Variants in DIS3L2 observed in about 807,000 individuals in gnomAD.
DIS3L2 encodes DIS3-like exonuclease 2.
In DIS3L2, 34 loss-of-function variants were observed where a neutral mutation model predicts 97.5. That is an observed-to-expected ratio of 0.35 (90% confidence interval 0.27 to 0.46). DIS3L2 has a LOEUF of 0.46. DIS3L2 is among the 20% of genes least tolerant of loss of function. The probability of loss-of-function intolerance (pLI) is 1.00; values close to 1 mark genes in which losing one functional copy is unlikely to be tolerated. For missense variants in DIS3L2, 1,038 were observed against 1,146.0 expected (o/e 0.91, Z 1.36); for synonymous variants, 435 against 445.2 (o/e 0.98, Z 0.29).
chr2:232,241,088 G>A (rs780376302), intron 11 of DIS3L2, among the ~76,000 whole-genome samples: 1 of 152,196 alleles, frequency 6.6e-6, no homozygotes, highest in African/African-American at 2.4e-5. Context: ...CACAAGTGGC[G>A]CCGGCCCGCA....
In DIS3L2 at chr2:232,299,872, G is replaced by A. The variant is rs372685971; in HGVS notation, c.1660-168G>A. ...TGCTGACAGTCATCATTGATGATGG[G>A]GTCCTTGTAAGGTGTGGGCTCTTCC... On this transcript the variant is annotated intron_variant, in intron 13 of 20. Coordinates refer to ENST00000325385, the MANE Select transcript of DIS3L2 (RefSeq NM_152383.5). Among the ~76,000 whole-genome samples, 28 of 152,298 alleles carry A rather than the reference G, an allele frequency of 1.8e-4. 1 individual carries two copies. In the Middle Eastern group the frequency reaches 0.017, roughly 93 times the overall value.
chr2:232,282,166 A>AG (rs1007696131), intron 13 of DIS3L2, among the ~76,000 whole-genome samples: 1 of 149,258 alleles, frequency 6.7e-6, no homozygotes, highest in African/African-American at 2.5e-5. Flanking sequence ...AAAAAAAAAA[A>AG]GGGAATTCAC....
At chr2:232,166,788 A>C (rs747346094) in intron 9 of DIS3L2, among the ~76,000 whole-genome samples, 3 of 151,822 alleles carry the variant, frequency 2.0e-5, no homozygotes, top group Non-Finnish European at 4.4e-5. Context: ...GGGGAGGCCA[A>C]GGTGGGTGGA....
intron 5 of DIS3L2, among the ~76,000 whole-genome samples, chr2:232,086,125 A>G (rs2106305908): frequency 6.6e-6 from 1 of 151,914 alleles, no homozygotes; most frequent in South Asian, 2.1e-4. Flanking sequence ...TTGCTTCATT[A>G]GTATTGTAGT....
chr2:232,343,393 C>T (rs1441226482), exon 14 of DIS3L2: 1 of 1,556,606 alleles, frequency 6.4e-7, no homozygotes, highest in Non-Finnish European at 8.7e-7. Flanking sequence ...CTCTCACAGC[C>T]CCTCTGCTGA....
At chr2:232,100,913 T>G (rs1291337936) in intron 6 of DIS3L2, among the ~76,000 whole-genome samples, 3 of 152,054 alleles carry the variant, frequency 2.0e-5, no homozygotes, top group Non-Finnish European at 4.4e-5. Context: ...GTACTTTATC[T>G]GTCAGTTTCT....
intron 3 of DIS3L2, chr2:232,023,172 T>C (rs957219831): frequency 3.3e-5 from 5 of 152,222 alleles, no homozygotes; most frequent in African/African-American, 1.2e-4. Flanking sequence ...AAATAGGGAT[T>C]GAGCTTAGTT....
At position 232,167,518 on chromosome 2, in the gene DIS3L2, T is replaced by G. The variant is rs918913588; in HGVS notation, c.1124+3886T>G. Among the ~76,000 whole-genome samples the G allele has an allele frequency of 3.9e-4, 59 of 152,204 alleles. 1 individual carries two copies. The highest frequency in any genetic ancestry group is 3.9e-3 in the Admixed American group (59 of 15,276). On this transcript the variant is annotated intron_variant, in intron 9 of 20. Transcript: ENST00000325385. ...TGTTTTGGTACTTGGTTTTGATGAT[T>G]ATCATAATTGAAAAGGATATATGTT...
intron 9 of DIS3L2, among the ~76,000 whole-genome samples, chr2:232,192,223 A>ATC (rs1691635042): frequency 6.6e-6 from 1 of 152,178 alleles, no homozygotes; most frequent in Non-Finnish European, 1.5e-5. Context: ...CATACTTATC[A>ATC]TCTCCTTTAA....
intron 17 of DIS3L2, 119 bp downstream of exon 17, chr2:232,334,106 G>A (rs1022096840): frequency 1.4e-5 from 20 of 1,444,484 alleles, no homozygotes; most frequent in Non-Finnish European, 3.7e-6. Context: ...CAAGGGTCGG[G>A]CGACCCAAGT....
intron 6 of DIS3L2, among the ~76,000 whole-genome samples, chr2:232,116,169 CTTAA>C (rs1293497931): frequency 1.7e-4 from 22 of 133,314 alleles, no homozygotes; most frequent in Non-Finnish European, 3.4e-4. Context: ...GAGACTTGGT[CTTAA>C]ATAAATAAAT....
rs1448552067 is a variant in DIS3L2, at chr2:232,336,781, TAAAC to T, written c.*156_*159del. Reference sequence around the variant, plus strand: ...TATTTAATTTTTGCAGCTCAACTTTTAAACAAACTGCAGGGGAGAGGGTGGGGCT... The same window carrying T: ...TATTTAATTTTTGCAGCTCAACTTTTAAACTGCAGGGGAGAGGGTGGGGCT... On this transcript the variant is annotated 3_prime_UTR_variant, in exon 21 of 21. Transcript: ENST00000325385. 6.8e-6 allele frequency: 10 copies of T among 1,464,034 alleles called. No individual in the cohort carries two copies. Among genetic ancestry groups the T allele is most frequent in the African/African-American group, 2.9e-5 (2 of 69,940 alleles). 90.7% of individuals were successfully genotyped at this position (1,464,034 alleles called of 1,614,324 possible).
intron 5 of DIS3L2, among the ~76,000 whole-genome samples, chr2:232,049,239 T>G (rs1158137910): frequency 2.0e-5 from 3 of 152,188 alleles, no homozygotes; most frequent in African/African-American, 7.2e-5. Flanking sequence ...TGACTTTTTA[T>G]TTCTTAAGAT....
chr2:232,223,173 A>G (rs1187888226), intron 10 of DIS3L2, among the ~76,000 whole-genome samples: 2 of 152,220 alleles, frequency 1.3e-5, no homozygotes, highest in Non-Finnish European at 2.9e-5. Flanking sequence ...CCCACCAGTC[A>G]GGCATCCTCA....
At chr2:232,192,752 G>T (rs1161464434) in intron 9 of DIS3L2, among the ~76,000 whole-genome samples, 1 of 152,190 alleles carries the variant, frequency 6.6e-6, no homozygotes, top group Non-Finnish European at 1.5e-5. Context: ...AGCCATTCTA[G>T]GAAACTTTCC....
chr2:232,325,582 G>A lies in DIS3L2; in HGVS notation c.1740-4231G>A, dbSNP rs927007894. 2.0e-5 allele frequency among the ~76,000 whole-genome samples: 3 copies of A among 152,180 alleles called. No homozygotes were observed. The highest frequency in any genetic ancestry group is 4.4e-5 in the Non-Finnish European group (3 of 68,028). The stretch of plus-strand genomic sequence containing the variant: ...GAGGAGCTGGGGTCCTGGCCCTGCA[G>A]CCACTGTCACAGCACAGCCCCACCC... On this transcript the variant is annotated intron_variant, in intron 14 of 20. Transcript: ENST00000325385. This position sits in a 1 kb window ranked among gnomAD's most constrained non-coding sequence, Gnocchi z 4.6.
chr2:232,329,785 T>TGCCGGGGGGGCCCCCCCC, intron 14 of DIS3L2, 28 bp from the exon 15 acceptor site: 1 of 967,140 alleles, frequency 1.0e-6, no homozygotes, highest in Non-Finnish European at 1.5e-6. Flanking sequence ...ACCCCAGCGG[T>TGCCGGGGGGGCCCCCCCC]CCCTCCCATC....
intron 9 of DIS3L2, among the ~76,000 whole-genome samples, chr2:232,175,865 C>G (rs946323827): frequency 2.0e-5 from 3 of 151,710 alleles, no homozygotes; most frequent in African/African-American, 7.3e-5. Context: ...ATTTTTAAGT[C>G]CTCTGCAGTT....
chr2:232,047,588 C>T (rs1461585468), intron 5 of DIS3L2, among the ~76,000 whole-genome samples: 1 of 152,004 alleles, frequency 6.6e-6, no homozygotes, highest in African/African-American at 2.4e-5. Flanking sequence ...TAGAATTCAC[C>T]ATTTTGATAA....
Sources: gnomAD v4.1 joint callset for allele counts (sites outside exome capture counted in the v4.1 genomes callset) on GRCh38, gnomAD v4.1.1 for gene constraint, Gnocchi (gnomAD v3.1) non-coding constraint, MANE v1.5 for transcripts, NCBI Gene and HGNC (gene_info 2026-07-23, HGNC 2026-07-21) for gene names.